The following TIMP2 variants were observed in gnomAD, a reference collection of about 807,000 sequenced individuals.
The protein encoded by TIMP2 is metalloproteinase inhibitor 2.
Under a neutral mutation model 24.3 loss-of-function variants are expected in TIMP2, and 5 were observed. That is an observed-to-expected ratio of 0.21 (90% CI 0.11 to 0.43). The LOEUF (loss-of-function observed/expected upper bound fraction) is 0.43, where lower values mean the gene tolerates loss of function less well. Among genes scored for constraint, TIMP2 ranks in the 20% least tolerant of loss-of-function variants. The probability of loss-of-function intolerance (pLI) is 1.00; values close to 1 mark genes in which losing one functional copy is unlikely to be tolerated. For synonymous variants in TIMP2, 130 were observed against 123.2 expected (o/e 1.06, Z -0.37); for missense variants, 221 against 297.5 (o/e 0.74, Z 1.89).
intron 2 of TIMP2, among the ~76,000 whole-genome samples, chr17:78,871,413 C>G (rs1209708464): frequency 7.2e-6 from 1 of 139,510 alleles, no homozygotes; most frequent in Non-Finnish European, 1.5e-5. Flanking sequence ...GATGGCGCCA[C>G]TGTACTCCTA....
chr17:78,882,232 A>T (rs1416975933), intron 1 of TIMP2, among the ~76,000 whole-genome samples: 2 of 152,176 alleles, frequency 1.3e-5, no homozygotes, highest in African/African-American at 4.8e-5. Flanking sequence ...TTGGCCTCCC[A>T]GAGTGCTGGG....
rs570874597 is a variant in TIMP2 at position 78,884,780 on chromosome 17, T to C, written c.131-10861A>G. Among the ~76,000 whole-genome samples, 12 of 152,222 alleles carry C rather than the reference T, an allele frequency of 7.9e-5. No individual in the cohort carries two copies. The South Asian group carries it at 1.0e-3, about 13-fold the overall frequency. On this transcript the variant is annotated intron_variant, in intron 1 of 4. Coordinates refer to ENST00000262768, the MANE Select transcript of TIMP2 (RefSeq NM_003255.5). ...GATCTCGATATAACCCCCTTGCCAT[T>C]TGCACGAACTGGAAGAATGACCACA...
At chr17:78,860,251 C>CAGGT (rs1243903165) in intron 3 of TIMP2, among the ~76,000 whole-genome samples, 1 of 152,160 alleles carries the variant, frequency 6.6e-6, no homozygotes, top group Non-Finnish European at 1.5e-5. Context: ...TGAAGAGACA[C>CAGGT]AGGTGTCAGT....
At chr17:78,887,542 G>A (rs1051003518) in intron 1 of TIMP2, among the ~76,000 whole-genome samples, 2 of 151,998 alleles carry the variant, frequency 1.3e-5, no homozygotes, top group South Asian at 2.1e-4. Flanking sequence ...GCGCCGCCAC[G>A]CCCGGCTAAT....
rs1469174486 is a variant in TIMP2 at position 78,890,588 on chromosome 17, T to C, written c.131-16669A>G. On this transcript the variant is annotated intron_variant, in intron 1 of 4. Coordinates refer to ENST00000262768, the MANE Select transcript of TIMP2 (RefSeq NM_003255.5). ...ATCTTAGAGACCCGGGTACCAGTGCTGGCAGCACCATTATCAGTGATGTAT... is the reference window on the plus strand; with the variant it reads ...ATCTTAGAGACCCGGGTACCAGTGCCGGCAGCACCATTATCAGTGATGTAT... The C allele has an allele frequency of 4.0e-6, 6 of 1,513,926 alleles. No homozygotes were observed. In the Admixed American group the frequency reaches 1.0e-4, roughly 26 times the overall value. The allele number at this position is 1,513,926 out of a possible 1,614,324, so 93.8% of individuals were successfully genotyped here.
intron 3 of TIMP2, among the ~76,000 whole-genome samples, chr17:78,863,605 C>T (rs766160975): frequency 2.6e-5 from 4 of 152,122 alleles, no homozygotes; most frequent in African/African-American, 9.7e-5. Context: ...CCGAGGATCC[C>T]GCCACAGGTC....
intron 1 of TIMP2, among the ~76,000 whole-genome samples, chr17:78,907,342 T>C (rs1599173449): frequency 1.3e-5 from 2 of 152,198 alleles, no homozygotes; most frequent in East Asian, 3.9e-4. Context: ...AGTCCCATTA[T>C]AGGGTAATTA....
At chr17:78,869,872 G>A (rs990217929) in intron 3 of TIMP2, among the ~76,000 whole-genome samples, 16 of 152,218 alleles carry the variant, frequency 1.1e-4, no homozygotes, top group Non-Finnish European at 2.4e-4. Context: ...AACGAACCTT[G>A]AAAACATGAT....
chr17:78,858,546 A>G (rs752683238), intron 3 of TIMP2, among the ~76,000 whole-genome samples: 13 of 152,174 alleles, frequency 8.5e-5, no homozygotes, highest in Admixed American at 2.6e-4. Context: ...ATTTTGAGAC[A>G]GTCTTGCTCT....
At chr17:78,902,979 G>A (rs570449041) in intron 1 of TIMP2, among the ~76,000 whole-genome samples, 79 of 152,316 alleles carry the variant, frequency 5.2e-4, no homozygotes, top group African/African-American at 1.8e-3. Flanking sequence ...CTGGCCTTGC[G>A]AACCCACGGC....
At chr17:78,905,352 T>A (rs1418743660) in intron 1 of TIMP2, among the ~76,000 whole-genome samples, 1 of 152,232 alleles carries the variant, frequency 6.6e-6, no homozygotes, top group Non-Finnish European at 1.5e-5. Flanking sequence ...CATACTTGCA[T>A]GAGTCAATTC....
chr17:78,870,731 A>G (rs1435772905), intron 3 of TIMP2, among the ~76,000 whole-genome samples, 167 bp downstream of exon 3: 2 of 152,076 alleles, frequency 1.3e-5, no homozygotes, highest in Admixed American at 1.3e-4. Context: ...AACATTCACT[A>G]GCATTCTCTG....
rs1242939999 is a variant in TIMP2 at position 78,901,392 on chromosome 17, C to A, written c.130+23567G>T. ...GATGCACGGGCTGAAGAACAAGGAG[C>A]AAATCTGAACGAGGGAGAGGTGTGT... is the stretch of plus-strand genomic sequence containing the variant. On this transcript the variant is annotated intron_variant, in intron 1 of 4. Coordinates refer to ENST00000262768, the MANE Select transcript of TIMP2 (RefSeq NM_003255.5). The A allele has an allele frequency of 1.2e-5, 3 of 245,332 alleles. No homozygotes were observed. The South Asian group carries it at 1.7e-4, about 14-fold the overall frequency. 15.2% of individuals were successfully genotyped at this position (245,332 alleles called of 1,614,324 possible).
intron 1 of TIMP2, among the ~76,000 whole-genome samples, chr17:78,921,349 G>C (rs2070307375): frequency 6.6e-6 from 1 of 152,246 alleles, no homozygotes; most frequent in Non-Finnish European, 1.5e-5. Flanking sequence ...CTGGAGGTGG[G>C]AACATGTGAG....
At chr17:78,902,119 T>C (rs1179169601) in intron 1 of TIMP2, among the ~76,000 whole-genome samples, 2 of 152,240 alleles carry the variant, frequency 1.3e-5, no homozygotes, top group Admixed American at 6.5e-5. Context: ...CCCAAGCCAC[T>C]GCACTGGGTT....
chr17:78,878,799 G>T (rs980811446), intron 1 of TIMP2, among the ~76,000 whole-genome samples: 35 of 152,292 alleles, frequency 2.3e-4, no homozygotes, highest in African/African-American at 8.4e-4. Flanking sequence ...TCTCCCCTGG[G>T]CTGCTTTAGT....
intron 1 of TIMP2, among the ~76,000 whole-genome samples, chr17:78,921,622 T>C (rs1399264684): frequency 6.6e-6 from 1 of 152,134 alleles, no homozygotes; most frequent in Non-Finnish European, 1.5e-5. Flanking sequence ...ATGTGAAGGA[T>C]TTCACTGGGT....
chr17:78,887,308 G>A (rs1045332719), intron 1 of TIMP2, among the ~76,000 whole-genome samples: 5 of 152,134 alleles, frequency 3.3e-5, no homozygotes, highest in African/African-American at 1.2e-4. Context: ...CCACCAGAAC[G>A]GGAGTCCTGT....
In TIMP2 at chr17:78,870,121, C is replaced by T. The variant is rs1249233484; in HGVS notation, c.340+777G>A. 3.9e-5 allele frequency among the ~76,000 whole-genome samples: 6 copies of T among 152,136 alleles called. No homozygotes were observed. The South Asian group carries it at 1.2e-3, about 32-fold the overall frequency. ...GTATCTAATGCCACTGAAGTGTACA[C>T]TTGAAAATGGTTGGCCGGGCGCGGT... On this transcript the variant is annotated intron_variant, in intron 3 of 4. Transcript: ENST00000262768.
Sources: gnomAD v4.1 joint callset for allele counts (sites outside exome capture counted in the v4.1 genomes callset) on GRCh38, gnomAD v4.1.1 for gene constraint, MANE v1.5 for transcripts, NCBI Gene and HGNC (gene_info 2026-07-23, HGNC 2026-07-21) for gene names.